FER: variants seen among roughly 807,000 people sequenced by gnomAD.
FER encodes FER tyrosine kinase, also known as tyrosine-protein kinase Fer.
FER carries 63 observed loss-of-function variants against 111.0 expected under a neutral mutation model. The ratio of observed to expected loss-of-function variants is 0.57; its 90% confidence interval spans 0.46 to 0.70. The LOEUF (loss-of-function observed/expected upper bound fraction) is 0.70. Ranked by LOEUF, FER falls within the 30% of genes least tolerant of loss-of-function variation. The probability of loss-of-function intolerance (pLI) is 0.00; values close to 1 mark genes in which losing one functional copy is unlikely to be tolerated. For synonymous variants in FER, 327 were observed against 313.9 expected, an observed-to-expected ratio of 1.04 and a Z score of -0.44; for missense variants, 914 against 954.0, an observed-to-expected ratio of 0.96 and a Z score of 0.55.
At chr5:109,071,656 TG>T (rs1775776870) in intron 16 of FER, among the ~76,000 whole-genome samples, 1 of 151,900 alleles carries the variant, frequency 6.6e-6, no homozygotes, top group South Asian at 2.1e-4. Context: ...AACAAAATTT[TG>T]GGTTTTTTTT....
intron 17 of FER, among the ~76,000 whole-genome samples, chr5:109,131,142 CTT>C (rs903549710): frequency 7.9e-5 from 12 of 152,110 alleles, no homozygotes; most frequent in Non-Finnish European, 1.6e-4. Context: ...TAAATCATCT[CTT>C]GAGATATTTC....
rs548142236 is a variant in FER, at chr5:108,810,195, T to C, written c.207+11806T>C. ...TTGGCTCTGCCGTATGGACTTCCGT[T>C]GGCAGGTTTTATACTGGGCTTTTGT... On this transcript the variant is annotated intron_variant, in intron 3 of 19. Coordinates refer to ENST00000281092, the MANE Select transcript of FER (RefSeq NM_005246.4). Among the ~76,000 whole-genome samples the C allele has an allele frequency of 6.8e-4, 104 of 152,366 alleles. 1 individual carries two copies. The highest frequency in any genetic ancestry group is 2.3e-3 in the African/African-American group (96 of 41,586).
chr5:109,120,196 A>G (rs1750786198), intron 17 of FER, among the ~76,000 whole-genome samples: 1 of 151,996 alleles, frequency 6.6e-6, no homozygotes. Flanking sequence ...TGTCCTGGAG[A>G]GTTTCCCCAA....
intron 16 of FER, among the ~76,000 whole-genome samples, chr5:109,090,599 A>G (rs1363546789): frequency 6.6e-6 from 1 of 152,194 alleles, no homozygotes; most frequent in East Asian, 1.9e-4. Flanking sequence ...AAAATCAGGA[A>G]AACAATGAAT....
chr5:108,819,376 C>G (rs1758607765), intron 3 of FER, among the ~76,000 whole-genome samples: 1 of 151,934 alleles, frequency 6.6e-6, no homozygotes, highest in Non-Finnish European at 1.5e-5. Context: ...CTTTAGGTTC[C>G]CACACTGCTC....
At chr5:109,053,837 C>T (rs1487297524) in intron 16 of FER, among the ~76,000 whole-genome samples, 1 of 151,752 alleles carries the variant, frequency 6.6e-6, no homozygotes, top group Non-Finnish European at 1.5e-5. Flanking sequence ...ACTACAGGCA[C>T]CTGTTACCAT....
intron 17 of FER, among the ~76,000 whole-genome samples, chr5:109,123,760 A>G (rs892399736): frequency 2.6e-5 from 4 of 152,168 alleles, no homozygotes; most frequent in Admixed American, 1.3e-4. Flanking sequence ...ATTTAATTCT[A>G]TAATCAGTGA....
intron 13 of FER, among the ~76,000 whole-genome samples, chr5:108,960,278 A>T (rs1036302568): frequency 2.0e-5 from 3 of 152,138 alleles, no homozygotes; most frequent in Non-Finnish European, 2.9e-5. Context: ...AATCTGGGAT[A>T]TAATATCTAT....
chr5:108,902,752 A>T (rs1267276611), intron 10 of FER, among the ~76,000 whole-genome samples: 1 of 152,162 alleles, frequency 6.6e-6, no homozygotes, highest in Non-Finnish European at 1.5e-5. Flanking sequence ...GAATTTAAGG[A>T]TTATTTTATA....
chr5:108,939,097 G>T (rs2149604857), intron 10 of FER, among the ~76,000 whole-genome samples: 1 of 152,036 alleles, frequency 6.6e-6, no homozygotes, highest in East Asian at 1.9e-4. Context: ...ATTTAAACTA[G>T]GGTTTTTCCA....
chr5:109,125,066 A>T (rs893350660), intron 17 of FER, among the ~76,000 whole-genome samples: 1 of 150,376 alleles, frequency 6.6e-6, no homozygotes, highest in African/African-American at 2.5e-5. Flanking sequence ...AAAAAAAAAG[A>T]AGAAAGATAG....
intron 16 of FER, among the ~76,000 whole-genome samples, chr5:109,047,726 C>T (rs1057078612): frequency 3.3e-5 from 5 of 152,148 alleles, no homozygotes; most frequent in Non-Finnish European, 7.4e-5. Context: ...TGAGCCGCAG[C>T]ACCCTGCAAA....
intron 2 of FER, among the ~76,000 whole-genome samples, chr5:108,786,406 TG>T (rs1157312458): frequency 6.6e-6 from 1 of 152,230 alleles, no homozygotes; most frequent in Non-Finnish European, 1.5e-5. Context: ...CTGGCCTGGT[TG>T]GGGTAGTATT....
intron 2 of FER, among the ~76,000 whole-genome samples, chr5:108,787,951 C>T (rs945626511): frequency 6.6e-6 from 1 of 152,174 alleles, no homozygotes; most frequent in Non-Finnish European, 1.5e-5. Flanking sequence ...GTGCTTGGGA[C>T]CTACTGAATG....
intron 13 of FER, among the ~76,000 whole-genome samples, chr5:108,967,323 T>C (rs1440469810): frequency 6.6e-6 from 1 of 152,198 alleles, no homozygotes; most frequent in Admixed American, 6.5e-5. Flanking sequence ...TCAGCTATCC[T>C]GAGTCAGCTG....
intron 9 of FER, chr5:108,894,566 G>T: frequency 2.4e-6 from 1 of 412,194 alleles, no homozygotes; most frequent in Non-Finnish European, 4.8e-6. Context: ...AGATGCTCAG[G>T]TCATTCTTGA....
chr5:109,162,168 C>G (rs1158152735), intron 17 of FER, among the ~76,000 whole-genome samples: 1 of 151,896 alleles, frequency 6.6e-6, no homozygotes. Flanking sequence ...ATGCTTTACT[C>G]TCAAGTCATT....
chr5:108,880,705 A>T (rs1283375614), intron 8 of FER, among the ~76,000 whole-genome samples: 1 of 152,020 alleles, frequency 6.6e-6, no homozygotes, highest in East Asian at 1.9e-4. Context: ...ATTTTACTGG[A>T]TTTGATACAA....
chr5:108,882,787 G>A (rs574901487), intron 8 of FER, among the ~76,000 whole-genome samples: 130 of 151,638 alleles, frequency 8.6e-4, no homozygotes, highest in Non-Finnish European at 1.4e-3. Flanking sequence ...AAATACTTCC[G>A]TTAAGGACTC....
Sources: allele counts gnomAD v4.1 joint callset (sites outside exome capture counted in the v4.1 genomes callset), GRCh38; gene constraint gnomAD v4.1.1; transcripts MANE v1.5; gene names NCBI Gene and HGNC (gene_info 2026-07-23, HGNC 2026-07-21).